The following REV3L variants were observed in gnomAD, a reference collection of about 807,000 sequenced individuals.
The protein encoded by REV3L is REV3 like, DNA directed polymerase zeta catalytic subunit.
A neutral mutation model predicts 299.4 loss-of-function variants in REV3L; 69 were observed. The ratio of observed to expected loss-of-function variants is 0.23; its 90% CI spans 0.19 to 0.28. The LOEUF is 0.28. REV3L is among the 10% of genes least tolerant of loss of function. The pLI, the probability that REV3L is intolerant of heterozygous loss-of-function variation, is 1.00. For synonymous variants in REV3L, 1,238 were observed against 1,271.4 expected, an observed-to-expected ratio of 0.97 and a Z score of 0.56; for missense variants, 3,128 against 3,693.8, an observed-to-expected ratio of 0.85 and a Z score of 3.97.
intron 25 of REV3L, among the ~76,000 whole-genome samples, chr6:111,328,594 A>T (rs1775070744): frequency 6.6e-6 from 1 of 152,214 alleles, no homozygotes; most frequent in Non-Finnish European, 1.5e-5. Flanking sequence ...TAAAATTATC[A>T]TTGGAATAAA....
chr6:111,365,176 A>T, intron 15 of REV3L, 89 bp downstream of exon 15: 1 of 859,862 alleles, frequency 1.2e-6, no homozygotes. Context: ...AAAATTTTTT[A>T]ATTGAGACAA....
At chr6:111,366,324 A>G (rs933816721) in intron 14 of REV3L, among the ~76,000 whole-genome samples, 2 of 152,162 alleles carry the variant, frequency 1.3e-5, no homozygotes, top group Non-Finnish European at 2.9e-5. Flanking sequence ...CTGGAGCTTA[A>G]AAGAGAGATC....
intron 2 of REV3L, chr6:111,412,240 G>A (rs1784323088): frequency 1.8e-5 from 18 of 985,114 alleles, no homozygotes; most frequent in Non-Finnish European, 2.2e-5. Flanking sequence ...AAAAGACCAT[G>A]GACTTACTTA....
chr6:111,420,797 T>C (rs1053128081), intron 1 of REV3L, among the ~76,000 whole-genome samples: 1 of 151,902 alleles, frequency 6.6e-6, no homozygotes, highest in South Asian at 2.1e-4. Context: ...CAACAAGGAG[T>C]ATGTGGGTGC....
intron 21 of REV3L, among the ~76,000 whole-genome samples, chr6:111,337,683 AAATT>A (rs1776050987): frequency 6.6e-6 from 1 of 152,162 alleles, no homozygotes; most frequent in South Asian, 2.1e-4. Context: ...ATAGTTTTTA[AAATT>A]ATTATGAGTT....
At position 111,373,752 on chromosome 6, in the gene REV3L, G is replaced by C; in HGVS notation, c.4603C>G (p.Gln1535Glu). Residue 1535 changes from glutamine to glutamate, a missense_variant, in exon 13 of 32, where the codon CAA becomes GAA. Physicochemically the swap from Gln to Glu is conservative, Grantham distance 29 (BLOSUM62 2). This residue lies in a region of REV3L where 2,409 missense variants were observed against 2,611.8 expected (regional missense o/e 0.92). Coordinates refer to ENST00000368802, the MANE Select transcript of REV3L (RefSeq NM_001372078.1). ...TTTTGTGCTTTCTGCTGTCTTTTTT[G>C]TAACAATTCTTTTAGAACTGCCAGT... ...SGLAVLKELL[Q>E]KRQQKAQNAN... 6.2e-7 allele frequency: 1 copy of C among 1,613,660 alleles called. No homozygotes were observed. Among genetic ancestry groups the C allele is most frequent in the Non-Finnish European group, 8.5e-7 (1 of 1,179,894 alleles).
intron 1 of REV3L, among the ~76,000 whole-genome samples, chr6:111,456,935 T>A (rs1297505321): frequency 6.6e-6 from 1 of 152,102 alleles, no homozygotes; most frequent in Non-Finnish European, 1.5e-5. Context: ...CTGAATCTAC[T>A]CAAAAAAATC....
At chr6:111,349,631 A>G (rs1158153190) in intron 19 of REV3L, among the ~76,000 whole-genome samples, 1 of 152,002 alleles carries the variant, frequency 6.6e-6, no homozygotes, top group Non-Finnish European at 1.5e-5. Flanking sequence ...CACAGGTGCA[A>G]TCATAGCACA....
intron 29 of REV3L, 88 bp downstream of exon 29, chr6:111,310,981 G>C (rs1333073958): frequency 9.8e-7 from 1 of 1,018,154 alleles, no homozygotes; most frequent in Non-Finnish European, 1.4e-6. Flanking sequence ...TTTTGTGTCT[G>C]TGTCTATGGA....
intron 2 of REV3L, among the ~76,000 whole-genome samples, chr6:111,413,181 G>C (rs1416534100): frequency 1.3e-5 from 2 of 152,004 alleles, no homozygotes; most frequent in African/African-American, 4.8e-5. Flanking sequence ...GCCCTTTCCT[G>C]CTATGGTATT....
chr6:111,373,551 C>G lies in REV3L; in HGVS notation c.4804G>C (p.Asp1602His). The change falls in exon 13 of 32, where the codon GAC becomes CAC. Residue 1602 changes from aspartate to histidine, a missense_variant. This residue lies in a region of REV3L where 2,409 missense variants were observed against 2,611.8 expected (regional missense o/e 0.92). Coordinates refer to ENST00000368802, the MANE Select transcript of REV3L (RefSeq NM_001372078.1). The part of the protein sequence containing the change: ...KEKIPKLLKV[D>H]SLNLQNSSQL... ...CTAGAGTTTTGTAAATTTAAAGAGT[C>G]TACTTTGAGAAGTTTGGGGATTTTT... 6.2e-7 allele frequency: 1 copy of G among 1,613,806 alleles called. No individual in the cohort carries two copies. Among genetic ancestry groups the G allele is most frequent in the Non-Finnish European group, 8.5e-7 (1 of 1,179,938 alleles).
At chr6:111,435,564 A>C (rs1436703446) in intron 1 of REV3L, among the ~76,000 whole-genome samples, 1 of 152,230 alleles carries the variant, frequency 6.6e-6, no homozygotes, top group African/African-American at 2.4e-5. Flanking sequence ...GGGGAAAAAA[A>C]CAGTCTCTTC....
chr6:111,357,160 A>C, intron 17 of REV3L, 35 bp from the exon 18 acceptor site: 1 of 760,422 alleles, frequency 1.3e-6, no homozygotes, highest in Admixed American at 3.0e-5. Context: ...TATATATAAC[A>C]TTATATAATA....
chr6:111,483,233 G>C (rs1009171467), upstream of REV3L: 3 of 483,190 alleles, frequency 6.2e-6, no homozygotes, highest in African/African-American at 2.0e-5. Context: ...GCAACCACTG[G>C]GGGGAGGGGA....
chr6:111,430,757 G>C, intron 1 of REV3L: 3 of 1,588,096 alleles, frequency 1.9e-6, no homozygotes, highest in Non-Finnish European at 2.6e-6. Context: ...CAATAATTTA[G>C]AGAGAGCGCA....
At chr6:111,420,864 G>A (rs1582920861) in intron 1 of REV3L, among the ~76,000 whole-genome samples, 1 of 152,138 alleles carries the variant, frequency 6.6e-6, no homozygotes, top group East Asian at 1.9e-4. Flanking sequence ...GTCCTTGGCT[G>A]GGCATGGTGG....
chr6:111,366,684 T>C (rs959529691), intron 14 of REV3L, among the ~76,000 whole-genome samples: 7 of 152,180 alleles, frequency 4.6e-5, no homozygotes, highest in Admixed American at 1.3e-4. Flanking sequence ...TAGAGTGGGC[T>C]GAGAAATGAG....
At chr6:111,425,191 G>A (rs1786022291) in intron 1 of REV3L, among the ~76,000 whole-genome samples, 1 of 152,292 alleles carries the variant, frequency 6.6e-6, no homozygotes. Flanking sequence ...GGGCGCGGTG[G>A]CTCATGCCTG....
chr6:111,475,748 A>AT lies in REV3L; in HGVS notation c.139+7001dup, dbSNP rs1230337896. 4.6e-5 allele frequency among the ~76,000 whole-genome samples: 7 copies of AT among 152,092 alleles called. No individual in the cohort carries two copies. The South Asian group carries it at 6.2e-4, about 14-fold the overall frequency. On this transcript the variant is annotated intron_variant, in intron 1 of 31. Transcript: ENST00000368802. ...TCTGTTTCTCTTTTAACTTTGTTTG[A>AT]TTTTTTCCCCTGTACAGAATTTTAT...
Sources: gnomAD v4.1 joint callset for allele counts (sites outside exome capture counted in the v4.1 genomes callset) on GRCh38, gnomAD v4.1.1 for gene constraint, gnomAD v4.1.1 regional missense constraint, MANE v1.5 for transcripts, NCBI Gene and HGNC (gene_info 2026-07-23, HGNC 2026-07-21) for gene names.